The following GRM7 variants were observed in gnomAD, a reference collection of about 807,000 sequenced individuals.
GRM7 encodes the protein metabotropic glutamate receptor 7.
A neutral mutation model predicts 84.5 loss-of-function variants in GRM7; 35 were observed. That is an observed-to-expected ratio of 0.41 (90% CI 0.32 to 0.55). The LOEUF (loss-of-function observed/expected upper bound fraction) is 0.55. Among genes scored for constraint, GRM7 ranks in the 20% least tolerant of loss-of-function variants. The pLI is 0.19. For synonymous variants in GRM7, 487 were observed against 455.1 expected (o/e 1.07, Z -0.89); for missense variants, 1,003 against 1,194.6 (o/e 0.84, Z 2.36).
At chr3:6,941,331 A>G (rs1341271133) in intron 1 of GRM7, among the ~76,000 whole-genome samples, 1 of 152,136 alleles carries the variant, frequency 6.6e-6, no homozygotes, top group Non-Finnish European at 1.5e-5. Flanking sequence ...CTTTATCTAC[A>G]CTGAACCTGA....
rs542316029 is a variant in GRM7, at chr3:7,268,254, C to T, written c.737-30430C>T. ...AGGTGGCTTATGCCTGTAATCCCAG[C>T]ACTTCGGTGGGCCAAGGAGAGAGGA... is the stretch of plus-strand genomic sequence containing the variant. On this transcript the variant is annotated intron_variant, in intron 2 of 9. Coordinates refer to ENST00000357716, the MANE Select transcript of GRM7 (RefSeq NM_000844.4). Among the ~76,000 whole-genome samples the T allele has an allele frequency of 7.3e-4, 111 of 151,580 alleles. 1 individual carries two copies. Among genetic ancestry groups the T allele is most frequent in the Non-Finnish European group, 6.8e-4 (46 of 67,934 alleles).
At chr3:6,956,497 T>C (rs1409439908) in intron 1 of GRM7, 2 of 450,892 alleles carry the variant, frequency 4.4e-6, no homozygotes, top group Non-Finnish European at 8.9e-6. Context: ...TTTCTCTTAT[T>C]ATTGTATGAG....
intron 7 of GRM7, among the ~76,000 whole-genome samples, chr3:7,504,565 C>T (rs780570495): frequency 6.6e-6 from 1 of 152,218 alleles, no homozygotes; most frequent in African/African-American, 2.4e-5. Context: ...TAAGGGCCTT[C>T]TTGCTTGCCA....
At chr3:7,404,916 C>G (rs890652618) in intron 4 of GRM7, among the ~76,000 whole-genome samples, 1 of 152,092 alleles carries the variant, frequency 6.6e-6, no homozygotes, top group Non-Finnish European at 1.5e-5. Context: ...TCTCTAACAC[C>G]TACCATATTT....
chr3:7,299,843 T>A (rs915532226), intron 3 of GRM7, among the ~76,000 whole-genome samples: 3 of 152,192 alleles, frequency 2.0e-5, no homozygotes, highest in Non-Finnish European at 4.4e-5. Flanking sequence ...GATTACAGTC[T>A]ATTGAAGTTA....
chr3:6,945,471 A>G (rs1245771114), intron 1 of GRM7, among the ~76,000 whole-genome samples: 1 of 152,078 alleles, frequency 6.6e-6, no homozygotes, highest in Non-Finnish European at 1.5e-5. Context: ...ATTGTTGGAC[A>G]TTTCAGTTGG....
intron 7 of GRM7, among the ~76,000 whole-genome samples, chr3:7,483,261 G>C (rs1328972513): frequency 1.3e-5 from 2 of 152,200 alleles, no homozygotes; most frequent in Non-Finnish European, 2.9e-5. Flanking sequence ...GATAGCCATA[G>C]GTGCTGTGAG....
intron 8 of GRM7, chr3:7,607,929 T>A (rs1696669113): frequency 5.8e-6 from 1 of 173,024 alleles, no homozygotes; most frequent in Non-Finnish European, 1.3e-5. Context: ...TTCCCTTTTT[T>A]GTGTTCATAA....
intron 7 of GRM7, among the ~76,000 whole-genome samples, chr3:7,544,128 T>C (rs956768068): frequency 2.0e-5 from 3 of 152,194 alleles, no homozygotes; most frequent in Non-Finnish European, 4.4e-5. Flanking sequence ...TGCTCACGCT[T>C]AGGCGTAAAT....
At chr3:7,388,338 G>T (rs1397634208) in intron 4 of GRM7, among the ~76,000 whole-genome samples, 1 of 152,052 alleles carries the variant, frequency 6.6e-6, no homozygotes, top group Non-Finnish European at 1.5e-5. Flanking sequence ...GCTGGGTTCA[G>T]TTTGCTAGTA....
chr3:7,024,056 A>G (rs1382058064), intron 1 of GRM7, among the ~76,000 whole-genome samples: 2 of 152,000 alleles, frequency 1.3e-5, no homozygotes, highest in African/African-American at 2.4e-5. Flanking sequence ...TTACAGGACA[A>G]CTCGGTTCAA....
intron 4 of GRM7, among the ~76,000 whole-genome samples, chr3:7,362,070 A>C (rs1001057698): frequency 1.3e-5 from 2 of 152,080 alleles, no homozygotes; most frequent in African/African-American, 4.8e-5. Context: ...TGTCAGTACT[A>C]TTGTGCCTCA....
intron 2 of GRM7, among the ~76,000 whole-genome samples, chr3:7,234,199 T>A (rs1159649531): frequency 1.3e-5 from 2 of 152,100 alleles, no homozygotes; most frequent in African/African-American, 4.8e-5. Context: ...AAAAATAAGG[T>A]GACTTTTGGA....
rs1358263975 is a variant in GRM7 at position 7,686,596 on chromosome 3, A to C, written c.2698+6301A>C. 1.0e-5 allele frequency: 6 copies of C among 592,394 alleles called. No homozygotes were observed. In the African/African-American group the frequency reaches 1.1e-4, roughly 11 times the overall value. The allele number at this position is 592,394 out of a possible 1,614,324, so 36.7% of individuals were successfully genotyped here. On this transcript the variant is annotated intron_variant, in intron 9 of 9. Coordinates refer to ENST00000357716, the MANE Select transcript of GRM7 (RefSeq NM_000844.4). The stretch of plus-strand genomic sequence containing the variant: ...CAAAGATGATCGATTTGATAAGCTT[A>C]GTGCCAGCAGCTGCCATTGGTCATA...
intron 8 of GRM7, among the ~76,000 whole-genome samples, chr3:7,610,686 T>G (rs1696809657): frequency 6.6e-6 from 1 of 152,174 alleles, no homozygotes; most frequent in Admixed American, 6.5e-5. Flanking sequence ...CTTGGGATTT[T>G]GTTTCTTATT....
chr3:7,553,658 G>C (rs1693608232), intron 7 of GRM7, among the ~76,000 whole-genome samples: 1 of 152,186 alleles, frequency 6.6e-6, no homozygotes, highest in South Asian at 2.1e-4. Context: ...AGTGCCAAGA[G>C]AAGGGGAGAA....
At chr3:7,019,021 C>T (rs933429480) in intron 1 of GRM7, among the ~76,000 whole-genome samples, 33 of 152,148 alleles carry the variant, frequency 2.2e-4, no homozygotes, top group African/African-American at 3.1e-4. Context: ...CGCTTGAACC[C>T]GGGAAGCGGA....
chr3:7,483,398 A>T (rs1002335430), intron 7 of GRM7, among the ~76,000 whole-genome samples: 2 of 152,146 alleles, frequency 1.3e-5, no homozygotes, highest in Admixed American at 6.5e-5. Context: ...CTGGGGACAG[A>T]ATGAACTTGT....
At chr3:7,473,528 G>GAA (rs1698797872) in intron 7 of GRM7, among the ~76,000 whole-genome samples, 1 of 138,928 alleles carries the variant, frequency 7.2e-6, no homozygotes, top group African/African-American at 2.7e-5. Context: ...GAGAGAGAGA[G>GAA]AGAAACACCT....
Sources: allele counts gnomAD v4.1 joint callset (sites outside exome capture counted in the v4.1 genomes callset), GRCh38; gene constraint gnomAD v4.1.1; transcripts MANE v1.5; gene names NCBI Gene and HGNC (gene_info 2026-07-23, HGNC 2026-07-21).